ANK2: variants seen among roughly 807,000 people sequenced by gnomAD.
ANK2 encodes the protein ankyrin-2.
ANK2 carries 83 observed loss-of-function variants against 360.5 expected under a neutral mutation model. The observed-to-expected ratio is 0.23, with a 90% CI of 0.19 to 0.28. The LOEUF is 0.28. ANK2 is among the 10% of genes least tolerant of loss of function. ANK2 has a pLI of 1.00. For synonymous variants in ANK2, 1,740 were observed against 1,759.5 expected (o/e 0.99, Z 0.28); for missense variants, 4,201 against 4,795.7 (o/e 0.88, Z 3.66).
intron 2 of ANK2, among the ~76,000 whole-genome samples, chr4:113,002,171 A>G (rs2050967616): frequency 6.6e-6 from 1 of 152,122 alleles, no homozygotes; most frequent in African/African-American, 2.4e-5. Flanking sequence ...CTATCCCTCT[A>G]GAACTAGAAG....
At chr4:112,742,450 G>A in the ANK2 span, among the ~76,000 whole-genome samples, 5 of 151,956 alleles carry the variant, frequency 3.3e-5, no homozygotes, top group Non-Finnish European at 5.9e-5. Context: ...AGTTGGGTGA[G>A]TGGAGACACA....
chr4:113,022,585 A>G (rs1458234936), intron 2 of ANK2, among the ~76,000 whole-genome samples: 1 of 152,248 alleles, frequency 6.6e-6, no homozygotes, highest in East Asian at 1.9e-4. Flanking sequence ...ACAGCTTACC[A>G]TAATAGGAAA....
intron 1 of ANK2, among the ~76,000 whole-genome samples, chr4:113,140,195 T>C (rs1053876575): frequency 6.6e-6 from 1 of 152,214 alleles, no homozygotes; most frequent in Non-Finnish European, 1.5e-5. Context: ...TTTCCACAGG[T>C]CAGTAATTCC....
chr4:113,252,818 A>G (rs1046693432), intron 10 of ANK2, among the ~76,000 whole-genome samples: 2 of 152,192 alleles, frequency 1.3e-5, no homozygotes, highest in African/African-American at 4.8e-5. Context: ...ACATTCATGC[A>G]ATCAAATGTG....
upstream of ANK2, among the ~76,000 whole-genome samples, chr4:112,817,905 G>GA (rs971269490): frequency 7.9e-5 from 12 of 151,930 alleles, no homozygotes; most frequent in African/African-American, 2.9e-4. Context: ...GAAGAAACCA[G>GA]AAAAAAAATA....
the ANK2 span, among the ~76,000 whole-genome samples, chr4:112,762,952 T>C: frequency 6.6e-6 from 1 of 152,258 alleles, no homozygotes; most frequent in African/African-American, 2.4e-5. Flanking sequence ...ACCTTACGTT[T>C]TGAAAATGAT....
At chr4:112,904,060 T>G (rs1365667580) in intron 1 of ANK2, among the ~76,000 whole-genome samples, 2 of 152,226 alleles carry the variant, frequency 1.3e-5, no homozygotes, top group Non-Finnish European at 2.9e-5. Flanking sequence ...TAGGGAATGC[T>G]TATCCAATTT....
intron 43 of ANK2, 48 bp downstream of exon 43, chr4:113,369,853 A>C: frequency 6.2e-7 from 1 of 1,611,836 alleles, no homozygotes; most frequent in Non-Finnish European, 8.5e-7. Flanking sequence ...CAAAGCTACA[A>C]ATCTTCCAGT....
chr4:112,997,557 T>G (rs1049904199), intron 2 of ANK2, among the ~76,000 whole-genome samples: 1 of 152,126 alleles, frequency 6.6e-6, no homozygotes, highest in Non-Finnish European at 1.5e-5. Flanking sequence ...TGTAGCTCAT[T>G]TCTAGTCAAA....
At chr4:113,341,960 A>T (rs769467135) in intron 33 of ANK2, 44 bp downstream of exon 33, 3 of 1,409,138 alleles carry the variant, frequency 2.1e-6, no homozygotes, top group Non-Finnish European at 3.0e-6. Context: ...CCATGTTGTT[A>T]TACCTGCATT....
chr4:113,344,416 C>T (rs573431144), intron 34 of ANK2, among the ~76,000 whole-genome samples: 13 of 152,208 alleles, frequency 8.5e-5, no homozygotes, highest in Non-Finnish European at 1.3e-4. Context: ...AGGATGTGGA[C>T]GAATTGGGGC....
chr4:113,125,624 G>T (rs895375802), intron 1 of ANK2, among the ~76,000 whole-genome samples: 39 of 152,122 alleles, frequency 2.6e-4, no homozygotes, highest in African/African-American at 9.4e-4. Flanking sequence ...TCTGAGATCT[G>T]TTAGAATTCT....
At chr4:112,786,810 A>G in the ANK2 span, among the ~76,000 whole-genome samples, 1 of 143,074 alleles carries the variant, frequency 7.0e-6, no homozygotes, top group South Asian at 2.2e-4. Context: ...GTGCAGTGGC[A>G]CGATCTCAGC....
At chr4:113,233,481 T>TCCTGG (rs2099346791) in intron 5 of ANK2, among the ~76,000 whole-genome samples, 1 of 152,114 alleles carries the variant, frequency 6.6e-6, no homozygotes, top group Admixed American at 6.5e-5. Flanking sequence ...ATTTCAAAAC[T>TCCTGG]CCTGGCCTGA....
intron 45 of ANK2, chr4:113,374,966 T>A: frequency 3.7e-6 from 4 of 1,075,058 alleles, no homozygotes; most frequent in Non-Finnish European, 4.6e-6. Flanking sequence ...CATCATCATT[T>A]GTCTTTTTAT....
At chr4:113,059,135 A>G (rs1488676876) in intron 1 of ANK2, among the ~76,000 whole-genome samples, 1 of 152,196 alleles carries the variant, frequency 6.6e-6, no homozygotes, top group East Asian at 1.9e-4. Flanking sequence ...CAAAGGCCTC[A>G]GCTCCTAAAG....
the ANK2 span, among the ~76,000 whole-genome samples, chr4:112,790,049 C>G: frequency 1.3e-5 from 2 of 152,036 alleles, no homozygotes; most frequent in African/African-American, 4.8e-5. Flanking sequence ...GAGAGTTATC[C>G]AAGATGGTGA....
At chr4:113,000,724 A>G (rs951727259) in intron 2 of ANK2, among the ~76,000 whole-genome samples, 3 of 152,218 alleles carry the variant, frequency 2.0e-5, no homozygotes, top group African/African-American at 4.8e-5. Context: ...GAAAGAGTAG[A>G]GGCCAATCAC....
chr4:113,379,128 G>A (rs781518282), intron 45 of ANK2, among the ~76,000 whole-genome samples: 4 of 152,166 alleles, frequency 2.6e-5, no homozygotes, highest in Non-Finnish European at 4.4e-5. Flanking sequence ...TTAAAAGAGT[G>A]TAATTGCTCT....
Sources: allele counts gnomAD v4.1 joint callset (sites outside exome capture counted in the v4.1 genomes callset), GRCh38; gene constraint gnomAD v4.1.1; transcripts MANE v1.5; gene names NCBI Gene and HGNC (gene_info 2026-07-23, HGNC 2026-07-21).